The following TNIK variants were observed in gnomAD, a reference collection of about 807,000 sequenced individuals.
The protein encoded by TNIK is TRAF2 and NCK interacting kinase.
In TNIK, 49 loss-of-function variants were observed where a neutral mutation model predicts 191.3. The ratio of observed to expected loss-of-function variants is 0.26; its 90% CI spans 0.20 to 0.32. The LOEUF is 0.32. TNIK is among the 10% of genes least tolerant of loss of function. TNIK has a pLI of 1.00. For missense variants in TNIK, 1,155 were observed against 1,702.3 expected (o/e 0.68, Z 5.66); for synonymous variants, 594 against 600.9 (o/e 0.99, Z 0.17).
chr3:171,353,850 A>T (rs567216619), intron 2 of TNIK, among the ~76,000 whole-genome samples: 2 of 152,198 alleles, frequency 1.3e-5, no homozygotes, highest in Non-Finnish European at 2.9e-5. Flanking sequence ...TTCTCTTAGT[A>T]ATAGTAGGCA....
chr3:171,437,389 C>G (rs1291418672), intron 1 of TNIK, among the ~76,000 whole-genome samples: 1 of 152,126 alleles, frequency 6.6e-6, no homozygotes, highest in Non-Finnish European at 1.5e-5. Flanking sequence ...GTAGGATAAC[C>G]ACAAGAGCCA....
chr3:171,426,087 T>A (rs1724528538), intron 1 of TNIK, among the ~76,000 whole-genome samples: 4 of 152,066 alleles, frequency 2.6e-5, no homozygotes, highest in Admixed American at 2.6e-4. Flanking sequence ...ATCATGCTGC[T>A]ATAAAGACAC....
At chr3:171,263,720 C>A (rs1226752026) in intron 2 of TNIK, among the ~76,000 whole-genome samples, 1 of 151,556 alleles carries the variant, frequency 6.6e-6, no homozygotes, top group Non-Finnish European at 1.5e-5. Flanking sequence ...CTGACAAGAG[C>A]CATTATTAGA....
chr3:171,088,027 C>T (rs377241204), intron 23 of TNIK, among the ~76,000 whole-genome samples: 38 of 152,280 alleles, frequency 2.5e-4, no homozygotes, highest in African/African-American at 8.7e-4. Context: ...AAGGTCAAAA[C>T]AATGATTAAT....
chr3:171,273,549 C>A (rs150902024), intron 2 of TNIK, among the ~76,000 whole-genome samples: 1 of 152,154 alleles, frequency 6.6e-6, no homozygotes, highest in African/African-American at 2.4e-5. Context: ...GTTTCCTCAG[C>A]TCTTAAGAAG....
At chr3:171,219,189 T>G (rs1417742029) in intron 3 of TNIK, among the ~76,000 whole-genome samples, 1 of 99,374 alleles carries the variant, frequency 1.0e-5, no homozygotes, top group African/African-American at 4.0e-5. Flanking sequence ...CAATAATCAT[T>G]TACTCAACCC....
intron 1 of TNIK, among the ~76,000 whole-genome samples, chr3:171,377,510 TA>T (rs1717425560): frequency 6.6e-6 from 1 of 152,258 alleles, no homozygotes; most frequent in Non-Finnish European, 1.5e-5. Context: ...CAATAAGCTA[TA>T]ATAGGCATTA....
At chr3:171,336,118 AT>A (rs1438669570) in intron 2 of TNIK, among the ~76,000 whole-genome samples, 1 of 152,144 alleles carries the variant, frequency 6.6e-6, no homozygotes, top group Non-Finnish European at 1.5e-5. Context: ...TAAAATCTAC[AT>A]TACTCATTTA....
intron 4 of TNIK, 59 bp from the exon 5 acceptor site, chr3:171,194,694 T>G: frequency 6.6e-7 from 1 of 1,525,336 alleles, no homozygotes; most frequent in Non-Finnish European, 9.0e-7. Flanking sequence ...TCCATTAAGT[T>G]GGGGTAAGAA....
At chr3:171,443,798 T>C (rs1336620412) in intron 1 of TNIK, among the ~76,000 whole-genome samples, 1 of 152,174 alleles carries the variant, frequency 6.6e-6, no homozygotes, top group African/African-American at 2.4e-5. Context: ...CACTCCAGCC[T>C]GGGCAACAGA....
chr3:171,249,469 G>C (rs1745989379), intron 2 of TNIK, among the ~76,000 whole-genome samples: 2 of 152,188 alleles, frequency 1.3e-5, no homozygotes, highest in Non-Finnish European at 2.9e-5. Flanking sequence ...ACTTAAGGGG[G>C]CTGGAGGGAT....
intron 1 of TNIK, among the ~76,000 whole-genome samples, chr3:171,425,721 G>A (rs1049302166): frequency 9.2e-5 from 14 of 151,770 alleles, no homozygotes; most frequent in South Asian, 6.2e-4. Context: ...CCAGCTATTC[G>A]GGAGACTGAG....
intron 2 of TNIK, among the ~76,000 whole-genome samples, chr3:171,228,793 T>A (rs1047647705): frequency 6.6e-6 from 1 of 152,242 alleles, no homozygotes; most frequent in Non-Finnish European, 1.5e-5. Context: ...TGGGCTCTTT[T>A]GGTCTTTAGA....
intron 2 of TNIK, among the ~76,000 whole-genome samples, chr3:171,327,085 C>T (rs1755854624): frequency 6.6e-6 from 1 of 152,154 alleles, no homozygotes. Flanking sequence ...GATGAGACTC[C>T]TACTTTAAGA....
rs1719141184 is a variant in TNIK at position 171,389,271 on chromosome 3, A to C, written c.58-19586T>G. On this transcript the variant is annotated intron_variant, in intron 1 of 32. Transcript: ENST00000436636. ...TGACTTCTGCAATGGAAGTACCAGA[A>C]ACTGTGTCCGTTGGTGCTGGCTAAC... 2.0e-5 allele frequency among the ~76,000 whole-genome samples: 3 copies of C among 151,832 alleles called. No individual in the cohort carries two copies. The South Asian group carries it at 6.2e-4, about 31-fold the overall frequency.
intron 2 of TNIK, among the ~76,000 whole-genome samples, chr3:171,325,099 A>AAAAT (rs375566849): frequency 0.011 from 1,654 of 151,248 alleles, 30 homozygotes; most frequent in African/African-American, 0.029. Context: ...AGACTGTCTC[A>AAAAT]AAATAAATAA....
At chr3:171,085,580 A>G (rs1721244342) in intron 24 of TNIK, among the ~76,000 whole-genome samples, 1 of 152,214 alleles carries the variant, frequency 6.6e-6, no homozygotes. Flanking sequence ...CTACTTGATC[A>G]ATATGAAAAG....
intron 15 of TNIK, among the ~76,000 whole-genome samples, chr3:171,136,041 G>C (rs1417029801): frequency 6.6e-6 from 1 of 152,222 alleles, no homozygotes; most frequent in African/African-American, 2.4e-5. Context: ...GGTAGAGGCT[G>C]AATGAAGGAG....
intron 2 of TNIK, among the ~76,000 whole-genome samples, chr3:171,245,601 T>C (rs1166365621): frequency 1.3e-5 from 2 of 151,918 alleles, no homozygotes; most frequent in East Asian, 3.9e-4. Flanking sequence ...AAGATTTTGG[T>C]ATAATCAAGG....
Sources: allele counts gnomAD v4.1 joint callset (sites outside exome capture counted in the v4.1 genomes callset), GRCh38; gene constraint gnomAD v4.1.1; transcripts MANE v1.5; gene names NCBI Gene and HGNC (gene_info 2026-07-23, HGNC 2026-07-21).